Variants in ARHGAP12 observed in about 807,000 individuals in gnomAD.
ARHGAP12 encodes Rho GTPase activating protein 12.
A neutral mutation model predicts 108.6 loss-of-function variants in ARHGAP12; 64 were observed. The ratio of observed to expected loss-of-function variants is 0.59; its 90% confidence interval spans 0.48 to 0.73. The LOEUF (loss-of-function observed/expected upper bound fraction) is 0.73. Ranked by LOEUF, ARHGAP12 falls within the 30% of genes least tolerant of loss-of-function variation. The probability of loss-of-function intolerance (pLI) is 0.00; values close to 1 mark genes in which losing one functional copy is unlikely to be tolerated. For synonymous variants in ARHGAP12, 312 were observed against 337.2 expected (o/e 0.93, Z 0.82); for missense variants, 940 against 1,005.9 (o/e 0.93, Z 0.89).
At chr10:31,845,660 C>A (rs886461751) in intron 6 of ARHGAP12, among the ~76,000 whole-genome samples, 1 of 151,946 alleles carries the variant, frequency 6.6e-6, no homozygotes, top group South Asian at 2.1e-4. Context: ...TGGTGCATTG[C>A]TATAGGCCTA....
intron 3 of ARHGAP12, among the ~76,000 whole-genome samples, chr10:31,865,603 C>A (rs757003695): frequency 3.3e-5 from 5 of 151,944 alleles, no homozygotes; most frequent in Non-Finnish European, 5.9e-5. Context: ...TGGCCAGGCG[C>A]GGCGACTCAC....
chr10:31,857,139 G>A (rs190706541), intron 4 of ARHGAP12, among the ~76,000 whole-genome samples: 2 of 152,186 alleles, frequency 1.3e-5, no homozygotes, highest in African/African-American at 2.4e-5. Context: ...GCACACGTGT[G>A]TATGTGTTTG....
chr10:31,912,375 C>T (rs556435508), intron 1 of ARHGAP12, among the ~76,000 whole-genome samples: 3 of 152,228 alleles, frequency 2.0e-5, no homozygotes, highest in East Asian at 3.9e-4. Context: ...GTGAGCTGTA[C>T]GGTTTCACAC....
chr10:31,920,495 G>T (rs920479529), intron 1 of ARHGAP12, among the ~76,000 whole-genome samples: 9 of 137,998 alleles, frequency 6.5e-5, no homozygotes, highest in Non-Finnish European at 1.2e-4. Context: ...TAGCACTTAC[G>T]CAGCATACAA....
In ARHGAP12 at chr10:31,852,744, T is replaced by C. The variant is rs1013338998; in HGVS notation, c.1090-147A>G. ...ACAAAAAATTCTTTTTTTTTTTTTTTTTTTTTTTGAGAGCCCAGGCTGGAG... is the reference window on the plus strand; with the variant it reads ...ACAAAAAATTCTTTTTTTTTTTTTTCTTTTTTTTGAGAGCCCAGGCTGGAG... On this transcript the variant is annotated intron_variant, in intron 5 of 19. Coordinates refer to ENST00000344936, the MANE Select transcript of ARHGAP12 (RefSeq NM_018287.7). 3.3e-5 allele frequency: 19 copies of C among 579,922 alleles called. 1 individual carries two copies. The highest frequency in any genetic ancestry group is 5.0e-5 in the Non-Finnish European group (17 of 340,946). 35.9% of individuals were successfully genotyped at this position (579,922 alleles called of 1,614,324 possible).
chr10:31,831,922 A>G (rs574106470), intron 9 of ARHGAP12, 122 bp from the exon 10 acceptor site: 125 of 488,812 alleles, frequency 2.6e-4, no homozygotes, highest in African/African-American at 2.2e-3. Flanking sequence ...AGATTAGTCA[A>G]TGTGTAACAT....
intron 4 of ARHGAP12, 81 bp from the exon 5 acceptor site, chr10:31,854,287 A>C: frequency 8.2e-7 from 1 of 1,224,660 alleles, no homozygotes; most frequent in Non-Finnish European, 1.1e-6. Flanking sequence ...AATAAATTTT[A>C]CTTGACTATA....
intron 3 of ARHGAP12, among the ~76,000 whole-genome samples, chr10:31,900,707 AAC>A (rs1465752535): frequency 6.6e-6 from 1 of 152,246 alleles, no homozygotes; most frequent in Non-Finnish European, 1.5e-5. Flanking sequence ...AGGAAGGTGA[AAC>A]ACAGAGGATG....
chr10:31,847,528 T>G (rs1021629083), intron 6 of ARHGAP12, among the ~76,000 whole-genome samples: 5 of 152,340 alleles, frequency 3.3e-5, no homozygotes, highest in African/African-American at 1.2e-4. Context: ...TAATTCTGGT[T>G]GTTTTCATGC....
At chr10:31,839,599 C>CTG (rs1175381547) in intron 8 of ARHGAP12, 38 bp downstream of exon 8, 1 of 1,507,338 alleles carries the variant, frequency 6.6e-7, no homozygotes, top group East Asian at 2.3e-5. Context: ...ATTGAAATAA[C>CTG]TGGACTACAT....
intron 3 of ARHGAP12, among the ~76,000 whole-genome samples, chr10:31,893,665 G>A (rs187141641): frequency 1.3e-5 from 2 of 152,238 alleles, no homozygotes; most frequent in East Asian, 3.9e-4. Context: ...TCTGCCAGAG[G>A]TACAAGGAGG....
At chr10:31,881,215 A>G (rs1334645027) in intron 3 of ARHGAP12, among the ~76,000 whole-genome samples, 1 of 152,174 alleles carries the variant, frequency 6.6e-6, no homozygotes. Context: ...TAAAAGTGAC[A>G]AAGGACTAAC....
chr10:31,885,179 A>G (rs1838145655), intron 3 of ARHGAP12, among the ~76,000 whole-genome samples: 1 of 152,232 alleles, frequency 6.6e-6, no homozygotes, highest in Admixed American at 6.5e-5. Flanking sequence ...TCTTTCAAGT[A>G]AAATTTACCA....
At chr10:31,918,315 TCA>T (rs58245483) in intron 1 of ARHGAP12, among the ~76,000 whole-genome samples, 31,902 of 139,662 alleles carry the variant, frequency 0.23, 3,615 homozygotes, top group East Asian at 0.34. Flanking sequence ...ATTAGGGAAA[TCA>T]CACACACACA....
chr10:31,811,680 A>ATTTTT (rs1554773366), intron 15 of ARHGAP12, among the ~76,000 whole-genome samples: 2 of 149,910 alleles, frequency 1.3e-5, no homozygotes, highest in African/African-American at 2.5e-5. Context: ...ATTTTATTTT[A>ATTTTT]TTTTTTTTAA....
At chr10:31,809,363 T>C in intron 16 of ARHGAP12, 56 bp from the exon 17 acceptor site, 1 of 1,491,082 alleles carries the variant, frequency 6.7e-7, no homozygotes, top group Admixed American at 1.7e-5. Flanking sequence ...CTTTGCCTCT[T>C]CTGAACACGT....
intron 9 of ARHGAP12, among the ~76,000 whole-genome samples, chr10:31,837,537 C>A (rs868756908): frequency 2.2e-4 from 33 of 152,268 alleles, no homozygotes; most frequent in African/African-American, 7.2e-4. Flanking sequence ...TATTCTGCTA[C>A]GTTAGTCTGA....
At position 31,807,731 on chromosome 10, in the gene ARHGAP12, G is replaced by A; in HGVS notation, c.2468C>T (p.Ala823Val). The change falls in exon 20 of 20, where the codon GCA becomes GTA. Residue 823 changes from alanine (A) to valine (V), a missense_variant. By Grantham distance (64) the Ala-to-Val change is moderately conservative. Coordinates refer to ENST00000344936, the MANE Select transcript of ARHGAP12 (RefSeq NM_018287.7). ...LKPEKETGNIAVHTVYQNQIV... is the reference protein window; with the variant it reads ...LKPEKETGNIVVHTVYQNQIV... ...CTGATTCTGGTACACAGTATGAACT[G>A]CTATATTACCAGTCTCTTTTTCTGG... 6.2e-7 allele frequency: 1 copy of A among 1,609,080 alleles called. No individual in the cohort carries two copies. The highest frequency in any genetic ancestry group is 8.5e-7 in the Non-Finnish European group (1 of 1,177,992).
intron 3 of ARHGAP12, among the ~76,000 whole-genome samples, chr10:31,890,064 T>A (rs550814758): frequency 6.6e-5 from 10 of 152,162 alleles, no homozygotes; most frequent in Non-Finnish European, 1.5e-4. Flanking sequence ...TCTTTTTGTG[T>A]CTGGGTACAT....
Sources: gnomAD v4.1 joint callset for allele counts (sites outside exome capture counted in the v4.1 genomes callset) on GRCh38, gnomAD v4.1.1 for gene constraint, MANE v1.5 for transcripts, NCBI Gene and HGNC (gene_info 2026-07-23, HGNC 2026-07-21) for gene names.